ARL10: variants seen among roughly 807,000 people sequenced by gnomAD.
ARL10 encodes ARF like GTPase 10.
In ARL10, 23 loss-of-function variants were observed where a neutral mutation model predicts 26.1. The observed-to-expected ratio is 0.88, with a 90% CI of 0.63 to 1.25. The LOEUF is 1.25. Ranked by LOEUF, ARL10 falls within the 50% of genes most tolerant of loss-of-function variation. The probability of loss-of-function intolerance (pLI) is 0.00; values close to 1 mark genes in which losing one functional copy is unlikely to be tolerated. For missense variants in ARL10, 300 were observed against 323.6 expected (o/e 0.93, Z 0.56); for synonymous variants, 138 against 149.1 (o/e 0.93, Z 0.54).
At chr5:176,388,798 C>T (rs1444267423), downstream of ARL10, 1 of 1,606,672 alleles carries the variant, frequency 6.2e-7, no homozygotes, top group Admixed American at 1.7e-5. Context: ...TCCCGATTTT[C>T]TCCTGCTGCT....
intron 1 of ARL10, chr5:176,397,558 G>C: frequency 3.7e-6 from 1 of 273,154 alleles, no homozygotes; most frequent in Non-Finnish European, 6.0e-6. Context: ...TGTCCCCACA[G>C]CCCCCCTCAT....
chr5:176,398,641 G>C (rs1378823827), intron 1 of ARL10, among the ~76,000 whole-genome samples: 1 of 150,860 alleles, frequency 6.6e-6, no homozygotes, highest in Non-Finnish European at 1.5e-5. Context: ...GAACCCGGGA[G>C]GCAGAGGTTG....
intron 1 of ARL10, among the ~76,000 whole-genome samples, chr5:176,399,877 C>CAAA (rs750656977): frequency 2.8e-5 from 3 of 108,850 alleles, no homozygotes; most frequent in East Asian, 2.6e-4. Flanking sequence ...GACTTGGTCT[C>CAAA]AAAAAAAAAA....
At chr5:176,388,946 A>G (rs1756133790), downstream of ARL10, 1 of 1,614,098 alleles carries the variant, frequency 6.2e-7, no homozygotes, top group Non-Finnish European at 8.5e-7. Flanking sequence ...CGTTCGCAAG[A>G]CCCGCGAGAA....
rs1561794181 is a variant in ARL10 at position 176,400,185 on chromosome 5, G to GAGACTCTATCTC, written c.134-1554_134-1543dup. The stretch of plus-strand genomic sequence containing the variant: ...GCACTCCAGCCTGGGCAATAAAAGT[G>GAGACTCTATCTC]AGACTCTATCTCAAAAAAAAAAAGA... On this transcript the variant is annotated intron_variant, in intron 1 of 1. Transcript: ENST00000514533. Among the ~76,000 whole-genome samples the GAGACTCTATCTC allele has an allele frequency of 4.7e-5, 7 of 149,002 alleles. No individual in the cohort carries two copies. In the South Asian group the frequency reaches 1.5e-3, roughly 31 times the overall value.
chr5:176,404,481 C>T (rs1360148443), downstream of ARL10, among the ~76,000 whole-genome samples: 1 of 152,212 alleles, frequency 6.6e-6, no homozygotes, highest in East Asian at 1.9e-4. Flanking sequence ...AAGTGACTAG[C>T]CCACAGCCAG....
downstream of ARL10, among the ~76,000 whole-genome samples, chr5:176,403,358 C>T (rs962621355): frequency 2.5e-4 from 37 of 150,934 alleles, 1 homozygote; most frequent in African/African-American, 8.3e-4. Flanking sequence ...CCAAGCCTGC[C>T]CTAAATTAAG....
chr5:176,409,964 CT>C, the ARL10 span, among the ~76,000 whole-genome samples: 1 of 152,148 alleles, frequency 6.6e-6, no homozygotes, highest in African/African-American at 2.4e-5. Context: ...CTTGCGCTGC[CT>C]TCATCTCATG....
chr5:176,391,604 CCT>C (rs1443784066), downstream of ARL10, among the ~76,000 whole-genome samples: 2 of 152,092 alleles, frequency 1.3e-5, no homozygotes, highest in African/African-American at 4.8e-5. Context: ...AAAGCGAGAC[CCT>C]GTTTGAGAAA....
Position 176,371,702 on chromosome 5 carries a change from G to C in ARL10, c.562-20G>C, listed in dbSNP as rs1190799522. The C allele has an allele frequency of 5.6e-6, 9 of 1,611,056 alleles. No homozygotes were observed. The highest frequency in any genetic ancestry group is 1.3e-5 in the African/African-American group (1 of 74,882). On this transcript the variant is annotated intron_variant, in intron 3 of 3. Coordinates refer to ENST00000310389, the MANE Select transcript of ARL10 (RefSeq NM_173664.6). ...TAGGAAATGCTGCCAGCTGTGTTCG[G>C]ACTTCTGTGTCTCACCCAGGACCTG...
At chr5:176,411,209 T>G in the ARL10 span, among the ~76,000 whole-genome samples, 1 of 152,244 alleles carries the variant, frequency 6.6e-6, no homozygotes, top group Non-Finnish European at 1.5e-5. Context: ...AACGACTGCA[T>G]GGCTTTTGCC....
At chr5:176,414,263 T>A in the ARL10 span, among the ~76,000 whole-genome samples, 1 of 152,100 alleles carries the variant, frequency 6.6e-6, no homozygotes, top group African/African-American at 2.4e-5. Context: ...GTGCATTAAC[T>A]GGGGCAGGCA....
rs1163311158 is a variant in ARL10, at chr5:176,376,621, G to T, written c.*4726G>T. ...AGAAAATAGGAAAGAGAGGGAGAAAGATAAGATTTTTGCGATTGCAGTGAA... is the reference window on the plus strand; with the variant it reads ...AGAAAATAGGAAAGAGAGGGAGAAATATAAGATTTTTGCGATTGCAGTGAA... On this transcript the variant is annotated 3_prime_UTR_variant, in exon 4 of 4. Coordinates refer to ENST00000310389, the MANE Select transcript of ARL10 (RefSeq NM_173664.6). 4 of 152,232 alleles carry T rather than the reference G, an allele frequency of 2.6e-5. No homozygotes were observed. Among genetic ancestry groups the T allele is most frequent in the African/African-American group, 9.6e-5 (4 of 41,464 alleles). 9.4% of individuals were successfully genotyped at this position (152,232 alleles called of 1,614,324 possible). A position where few individuals can be genotyped will look rare whatever the true frequency, so the allele number is the denominator to read the frequency against.
chr5:176,384,310 T>G, downstream of ARL10: 1 of 1,614,250 alleles, frequency 6.2e-7, no homozygotes, highest in Non-Finnish European at 8.5e-7. Flanking sequence ...TTTATAGACG[T>G]TGATCTTACT....
At position 176,368,805 on chromosome 5, in the gene ARL10, A is replaced by C. The variant is rs762127496; in HGVS notation, c.386-2A>C. On this transcript the variant is annotated splice_acceptor_variant, in intron 2 of 3. Transcript: ENST00000310389. LOFTEE classifies it high-confidence loss of function. This position sits in a 1 kb window ranked among gnomAD's most constrained non-coding sequence, Gnocchi z 4.1. Reference sequence around the variant, plus strand: ...CTGAGCTGGCCCCTGGCCTCTCCTCAGTTGGGGGCAGCCAGAACCTGCGCT... The same window carrying C: ...CTGAGCTGGCCCCTGGCCTCTCCTCCGTTGGGGGCAGCCAGAACCTGCGCT... The C allele has an allele frequency of 3.1e-6, 5 of 1,607,534 alleles. No homozygotes were observed. Among genetic ancestry groups the C allele is most frequent in the Non-Finnish European group, 3.4e-6 (4 of 1,175,932 alleles).
intron 1 of ARL10, chr5:176,396,377 C>T (rs1756520115): frequency 9.2e-7 from 1 of 1,090,450 alleles, no homozygotes; most frequent in Non-Finnish European, 1.4e-6. Flanking sequence ...TTGCTCCGAG[C>T]CCAGCCACAC....
downstream of ARL10, among the ~76,000 whole-genome samples, chr5:176,403,092 C>T (rs969418050): frequency 2.6e-5 from 4 of 151,100 alleles, no homozygotes; most frequent in Non-Finnish European, 1.5e-5. Flanking sequence ...CTCTGTCGCC[C>T]AGGCTGGAGT....
At chr5:176,385,220 C>A, downstream of ARL10, 1 of 1,586,392 alleles carries the variant, frequency 6.3e-7, no homozygotes, top group Middle Eastern at 1.7e-4. Context: ...GAGCCGCTCA[C>A]CTTATAGTCC....
chr5:176,401,650 G>A (rs577345579), intron 1 of ARL10: 185 of 444,926 alleles, frequency 4.2e-4, no homozygotes, highest in African/African-American at 3.4e-3. Context: ...GGCAGTGGGG[G>A]CTGCCTCCTG....
Sources: allele counts gnomAD v4.1 joint callset (sites outside exome capture counted in the v4.1 genomes callset), GRCh38; gene constraint gnomAD v4.1.1; non-coding constraint Gnocchi (gnomAD v3.1); transcripts MANE v1.5; gene names NCBI Gene and HGNC (gene_info 2026-07-23, HGNC 2026-07-21).